ILRUN: variants seen among roughly 807,000 people sequenced by gnomAD.
ILRUN encodes protein ILRUN.
A neutral mutation model predicts 33.8 loss-of-function variants in ILRUN; 3 were observed. The observed-to-expected ratio is 0.09, with a 90% CI of 0.04 to 0.23. The LOEUF (loss-of-function observed/expected upper bound fraction) is 0.23. Ranked by LOEUF, ILRUN falls within the 10% of genes least tolerant of loss-of-function variation. The pLI is 1.00. For synonymous variants in ILRUN, 124 were observed against 138.9 expected (o/e 0.89, Z 0.75); for missense variants, 210 against 375.1 (o/e 0.56, Z 3.64).
chr6:34,694,144 G>A (rs1389841673), intron 1 of ILRUN, among the ~76,000 whole-genome samples: 1 of 151,916 alleles, frequency 6.6e-6, no homozygotes, highest in Non-Finnish European at 1.5e-5. Context: ...ATCCACACTG[G>A]GCCTCACCTA....
rs543123212 is a variant in ILRUN, at chr6:34,692,781, TC to T, written c.158+3664del. ...ATCTCTAAAAAAATGTTTAAATTGA[TC>T]CTTTTGTAATTCAGATGCGTGATGA... is the stretch of plus-strand genomic sequence containing the variant. On this transcript the variant is annotated intron_variant, in intron 1 of 4. Coordinates refer to ENST00000374023, the MANE Select transcript of ILRUN (RefSeq NM_024294.4). 1.7e-4 allele frequency among the ~76,000 whole-genome samples: 26 copies of T among 152,288 alleles called. No individual in the cohort carries two copies. The East Asian group carries it at 5.0e-3, about 29-fold the overall frequency.
At chr6:34,629,002 T>C (rs968826352) in intron 3 of ILRUN, among the ~76,000 whole-genome samples, 1 of 152,052 alleles carries the variant, frequency 6.6e-6, no homozygotes, top group African/African-American at 2.4e-5. Context: ...TCCCAGCTAC[T>C]TGGGAGGCTG....
chr6:34,667,374 G>T (rs1397210207), intron 1 of ILRUN, among the ~76,000 whole-genome samples: 3 of 152,112 alleles, frequency 2.0e-5, no homozygotes, highest in African/African-American at 7.2e-5. Context: ...TCCCTAATTT[G>T]ATATGTTCTA....
chr6:34,612,219 G>A (rs994022256), intron 3 of ILRUN, among the ~76,000 whole-genome samples: 4 of 84,670 alleles, frequency 4.7e-5, no homozygotes, highest in Non-Finnish European at 1.0e-4. Flanking sequence ...TTTGCGACCA[G>A]CCTATGGCAA....
At chr6:34,644,812 G>A (rs1762535722) in intron 3 of ILRUN, among the ~76,000 whole-genome samples, 1 of 152,090 alleles carries the variant, frequency 6.6e-6, no homozygotes, top group Admixed American at 6.5e-5. Context: ...AGGGCCTTGA[G>A]GATGAGCAGC....
intron 3 of ILRUN, among the ~76,000 whole-genome samples, chr6:34,627,704 C>CTT (rs71000075): frequency 0.17 from 22,876 of 134,730 alleles, 2,390 homozygotes; most frequent in African/African-American, 0.29. Flanking sequence ...GTCTTTGGCC[C>CTT]TTTTTTTTTT....
intron 1 of ILRUN, among the ~76,000 whole-genome samples, chr6:34,687,708 A>AATATAT (rs202128580): frequency 1.6e-4 from 23 of 143,334 alleles, no homozygotes; most frequent in African/African-American, 6.1e-4. Flanking sequence ...CAAAAAAAAA[A>AATATAT]ATATATATAT....
chr6:34,676,455 TATAGCTAGCTAG>T (rs939828533), intron 1 of ILRUN, among the ~76,000 whole-genome samples: 4 of 151,228 alleles, frequency 2.6e-5, no homozygotes, highest in African/African-American at 9.8e-5. Context: ...GATAGATAGA[TATAGCTAGCTAG>T]CTAGCTAGCT....
chr6:34,627,473 A>G (rs571718723), intron 3 of ILRUN, among the ~76,000 whole-genome samples: 20 of 152,340 alleles, frequency 1.3e-4, no homozygotes, highest in Admixed American at 2.0e-4. Context: ...ACCATTTTGC[A>G]TTCTCACCAG....
At chr6:34,611,539 G>T (rs1761754332) in intron 3 of ILRUN, among the ~76,000 whole-genome samples, 1 of 152,020 alleles carries the variant, frequency 6.6e-6, no homozygotes, top group Non-Finnish European at 1.5e-5. Flanking sequence ...TTCACCCCCT[G>T]CCTACTGTAT....
intron 1 of ILRUN, among the ~76,000 whole-genome samples, chr6:34,683,499 C>CATATATATATATATACATATATATATAT (rs1763445474): frequency 1.2e-5 from 1 of 84,564 alleles, no homozygotes; most frequent in South Asian, 3.3e-4. Context: ...TATATATATA[C>CATATATATATATATACATATATATATAT]ATATATATAT....
At chr6:34,696,050 C>T (rs563059815) in intron 1 of ILRUN, among the ~76,000 whole-genome samples, 39 of 152,176 alleles carry the variant, frequency 2.6e-4, no homozygotes, top group African/African-American at 7.5e-4. Flanking sequence ...CAACCTTTTT[C>T]CCCACTCCCC....
chr6:34,600,797 G>A (rs1408237889), intron 4 of ILRUN, among the ~76,000 whole-genome samples: 1 of 152,126 alleles, frequency 6.6e-6, no homozygotes, highest in Non-Finnish European at 1.5e-5. Context: ...CATTTAAAAC[G>A]TAGCTGTACA....
chr6:34,614,072 C>T (rs768060900), intron 3 of ILRUN, among the ~76,000 whole-genome samples: 1 of 152,102 alleles, frequency 6.6e-6, no homozygotes, highest in Non-Finnish European at 1.5e-5. Flanking sequence ...TGGAACAATT[C>T]GAGCAACATA....
At chr6:34,654,899 A>G (rs2252551) in intron 1 of ILRUN, 120 bp from the exon 2 acceptor site, 191,157 of 872,224 alleles carry the variant, frequency 0.22, 21,679 homozygotes, top group African/African-American at 0.28. Flanking sequence ...CTCCTGGTAT[A>G]CACGTCTTTA....
intron 3 of ILRUN, among the ~76,000 whole-genome samples, chr6:34,618,958 A>C (rs1295765138): frequency 1.3e-5 from 2 of 152,248 alleles, no homozygotes; most frequent in Admixed American, 1.3e-4. Context: ...AAGAGGACAG[A>C]GGACAGAGTC....
chr6:34,651,090 A>C (rs930541522), intron 2 of ILRUN, among the ~76,000 whole-genome samples: 4 of 152,150 alleles, frequency 2.6e-5, no homozygotes, highest in African/African-American at 9.7e-5. Context: ...TTCCTCTCTC[A>C]AATAACATGC....
At chr6:34,631,047 A>G (rs1303077934) in intron 3 of ILRUN, among the ~76,000 whole-genome samples, 1 of 152,126 alleles carries the variant, frequency 6.6e-6, no homozygotes, top group Non-Finnish European at 1.5e-5. Flanking sequence ...TTTTCCATTG[A>G]AGAACTTAGC....
rs1761364083 is a variant in ILRUN at position 34,594,678 on chromosome 6, G to C, written c.862-4078C>G. On this transcript the variant is annotated intron_variant, in intron 4 of 4. Coordinates refer to ENST00000374023, the MANE Select transcript of ILRUN (RefSeq NM_024294.4). ...CTAAGTTCAACCTGGCTAGAGAGCAGGCAAGCCTTCTTAAAGCGCAGAGGC... is the reference window on the plus strand; with the variant it reads ...CTAAGTTCAACCTGGCTAGAGAGCACGCAAGCCTTCTTAAAGCGCAGAGGC... 3.3e-5 allele frequency among the ~76,000 whole-genome samples: 5 copies of C among 152,174 alleles called. No homozygotes were observed. In the South Asian group the frequency reaches 1.0e-3, roughly 32 times the overall value.
Sources: allele counts gnomAD v4.1 joint callset (sites outside exome capture counted in the v4.1 genomes callset), GRCh38; gene constraint gnomAD v4.1.1; transcripts MANE v1.5; gene names NCBI Gene and HGNC (gene_info 2026-07-23, HGNC 2026-07-21).